The following SORCS3 variants were observed in gnomAD, a reference collection of about 807,000 sequenced individuals.
SORCS3 encodes sortilin related VPS10 domain containing receptor 3, also known as VPS10 domain-containing receptor SorCS3.
A neutral mutation model predicts 146.3 loss-of-function variants in SORCS3; 57 were observed. That is an observed-to-expected ratio of 0.39 (90% CI 0.31 to 0.49). The LOEUF (loss-of-function observed/expected upper bound fraction) is 0.49, where lower values mean the gene tolerates loss of function less well. SORCS3 is among the 20% of genes least tolerant of loss of function. The pLI, the probability that SORCS3 is intolerant of heterozygous loss-of-function variation, is 0.92. For missense variants in SORCS3, 1,341 were observed against 1,575.5 expected, an observed-to-expected ratio of 0.85 and a Z score of 2.52; for synonymous variants, 653 against 618.5, an observed-to-expected ratio of 1.06 and a Z score of -0.83.
At chr10:105,183,461 G>A (rs901387381) in intron 14 of SORCS3, among the ~76,000 whole-genome samples, 2 of 152,050 alleles carry the variant, frequency 1.3e-5, no homozygotes, top group South Asian at 2.1e-4. Flanking sequence ...TTAGCACAAC[G>A]CAGAGGCTCA....
intron 2 of SORCS3, among the ~76,000 whole-genome samples, chr10:104,875,639 G>T (rs1376258228): frequency 1.3e-5 from 2 of 152,186 alleles, no homozygotes; most frequent in Non-Finnish European, 2.9e-5. Context: ...AGACTTTTGA[G>T]TCTATAAGTT....
intron 1 of SORCS3, among the ~76,000 whole-genome samples, chr10:104,642,448 C>G (rs1589444341): frequency 6.7e-6 from 1 of 149,996 alleles, no homozygotes; most frequent in East Asian, 2.0e-4. Context: ...CTCCCAGCCT[C>G]CTGCTCGCCT....
intron 18 of SORCS3, among the ~76,000 whole-genome samples, chr10:105,215,091 C>T (rs75405087): frequency 0.018 from 2,678 of 152,258 alleles, 91 homozygotes; most frequent in African/African-American, 0.062. Flanking sequence ...TTATTGAAAT[C>T]CTTTAAAGTT....
chr10:104,928,950 C>T (rs1197916554), intron 3 of SORCS3, among the ~76,000 whole-genome samples: 1 of 152,158 alleles, frequency 6.6e-6, no homozygotes, highest in Admixed American at 6.5e-5. Context: ...ACAGAGGAAA[C>T]AAATGAATCA....
intron 1 of SORCS3, among the ~76,000 whole-genome samples, chr10:104,762,167 C>T (rs1414278123): frequency 6.6e-6 from 1 of 152,180 alleles, no homozygotes; most frequent in Non-Finnish European, 1.5e-5. Flanking sequence ...GGCCCCACCT[C>T]CTCCAGTAAG....
intron 1 of SORCS3, among the ~76,000 whole-genome samples, chr10:104,642,692 C>T (rs1348378463): frequency 6.6e-6 from 1 of 152,222 alleles, no homozygotes; most frequent in Non-Finnish European, 1.5e-5. Flanking sequence ...CGCACAGGCA[C>T]ACGGAAGTCG....
intron 2 of SORCS3, among the ~76,000 whole-genome samples, chr10:104,886,870 A>T (rs546638870): frequency 6.6e-6 from 1 of 152,264 alleles, no homozygotes; most frequent in African/African-American, 2.4e-5. Flanking sequence ...TCTTGGTCCA[A>T]CTTTCTGATT....
At chr10:105,249,736 T>A (rs1192975877) in intron 22 of SORCS3, among the ~76,000 whole-genome samples, 3 of 151,516 alleles carry the variant, frequency 2.0e-5, no homozygotes, top group Non-Finnish European at 4.4e-5. Context: ...ATAAAAAAAA[T>A]TTATCCGGGC....
At chr10:105,207,569 C>T (rs186488594) in intron 16 of SORCS3, among the ~76,000 whole-genome samples, 63 of 152,220 alleles carry the variant, frequency 4.1e-4, no homozygotes, top group South Asian at 2.9e-3. Context: ...TGCCTTTCCC[C>T]AGGAAGCTGG....
intron 5 of SORCS3, among the ~76,000 whole-genome samples, chr10:105,046,097 G>C (rs1476132180): frequency 6.6e-6 from 1 of 152,124 alleles, no homozygotes; most frequent in Admixed American, 6.6e-5. Context: ...CTTTGGGAGA[G>C]AGGGTGTAGA....
At chr10:104,820,824 A>T (rs2017864123) in intron 1 of SORCS3, among the ~76,000 whole-genome samples, 1 of 152,214 alleles carries the variant, frequency 6.6e-6, no homozygotes, top group South Asian at 2.1e-4. Context: ...TAATGTTAGG[A>T]TGCATCAACA....
chr10:105,238,363 A>G (rs1177334567), intron 20 of SORCS3, among the ~76,000 whole-genome samples: 1 of 152,210 alleles, frequency 6.6e-6, no homozygotes, highest in Non-Finnish European at 1.5e-5. Flanking sequence ...TAGGAATGTA[A>G]AATTACTGGC....
At chr10:105,113,723 C>A (rs2055874069) in intron 7 of SORCS3, among the ~76,000 whole-genome samples, 2 of 152,154 alleles carry the variant, frequency 1.3e-5, no homozygotes, top group Non-Finnish European at 1.5e-5. Context: ...TGCTGTTGGA[C>A]AAGCTGAGCT....
chr10:104,669,157 C>T (rs376644949), intron 1 of SORCS3, among the ~76,000 whole-genome samples: 3 of 152,096 alleles, frequency 2.0e-5, no homozygotes, highest in Admixed American at 1.3e-4. Flanking sequence ...ATGCTTTTTC[C>T]CTTCAGCATG....
At chr10:105,120,061 C>T (rs11192322) in intron 7 of SORCS3, among the ~76,000 whole-genome samples, 73,658 of 151,944 alleles carry the variant, frequency 0.48, 18,389 homozygotes, top group Non-Finnish European at 0.54. Context: ...TTCCATAATC[C>T]GCATGTGTTA....
At chr10:104,741,078 C>A (rs1418435906) in intron 1 of SORCS3, among the ~76,000 whole-genome samples, 1 of 151,658 alleles carries the variant, frequency 6.6e-6, no homozygotes, top group Non-Finnish European at 1.5e-5. Context: ...TCTCCCACAT[C>A]AGCCTCCCAA....
At chr10:105,200,939 T>A (rs1041522420) in intron 15 of SORCS3, among the ~76,000 whole-genome samples, 181 bp from the exon 16 acceptor site, 4 of 152,100 alleles carry the variant, frequency 2.6e-5, no homozygotes, top group Non-Finnish European at 5.9e-5. Context: ...AATGTTCCTT[T>A]TATGTGGTAG....
At chr10:105,091,022 G>C (rs2055698239) in intron 6 of SORCS3, among the ~76,000 whole-genome samples, 1 of 152,070 alleles carries the variant, frequency 6.6e-6, no homozygotes, top group South Asian at 2.1e-4. Flanking sequence ...AAAAGAGTTA[G>C]AAGGTAATCA....
intron 5 of SORCS3, among the ~76,000 whole-genome samples, chr10:105,051,450 G>T (rs767063834): frequency 1.3e-5 from 2 of 152,040 alleles, no homozygotes; most frequent in Non-Finnish European, 2.9e-5. Context: ...CCTATAATTT[G>T]CTTCAAAAGT....
Sources: gnomAD v4.1 joint callset for allele counts (sites outside exome capture counted in the v4.1 genomes callset) on GRCh38, gnomAD v4.1.1 for gene constraint, MANE v1.5 for transcripts, NCBI Gene and HGNC (gene_info 2026-07-23, HGNC 2026-07-21) for gene names.